UNC13C: variants seen among roughly 807,000 people sequenced by gnomAD.
UNC13C encodes the protein unc-13 homolog C.
A neutral mutation model predicts 245.4 loss-of-function variants in UNC13C; 174 were observed. The observed-to-expected ratio is 0.71, with a 90% CI of 0.63 to 0.80. The LOEUF is 0.80. Ranked by LOEUF, UNC13C falls within the 30% of genes least tolerant of loss-of-function variation. UNC13C has a pLI of 0.00. For missense variants in UNC13C, 2,829 were observed against 2,602.9 expected, an observed-to-expected ratio of 1.09 and a Z score of -1.89; for synonymous variants, 992 against 895.1, an observed-to-expected ratio of 1.11 and a Z score of -1.93.
At chr15:53,948,481 A>C in the UNC13C span, 43 of 152,028 alleles carry the variant, frequency 2.8e-4, no homozygotes, top group African/African-American at 1.0e-3. Flanking sequence ...GGGTGTGGTC[A>C]CAGGCACCTG....
intron 2 of UNC13C, among the ~76,000 whole-genome samples, chr15:54,045,162 G>C (rs1273115063): frequency 2.0e-5 from 3 of 152,010 alleles, no homozygotes; most frequent in African/African-American, 4.8e-5. Flanking sequence ...AAGTCATGAA[G>C]AGCTATTTAT....
chr15:54,415,681 T>G (rs2040503491), intron 19 of UNC13C, among the ~76,000 whole-genome samples: 1 of 152,178 alleles, frequency 6.6e-6, no homozygotes, highest in African/African-American at 2.4e-5. Flanking sequence ...TTGTACTTAT[T>G]CAGTGAATAT....
chr15:54,100,022 C>A (rs1360496897), intron 2 of UNC13C, among the ~76,000 whole-genome samples: 1 of 149,332 alleles, frequency 6.7e-6, no homozygotes, highest in Non-Finnish European at 1.5e-5. Context: ...ATTACTTGAA[C>A]CTGGGAGGCA....
intron 19 of UNC13C, among the ~76,000 whole-genome samples, chr15:54,482,746 A>G (rs944840914): frequency 1.4e-5 from 2 of 146,148 alleles, no homozygotes; most frequent in African/African-American, 5.1e-5. Context: ...GCACATTTAA[A>G]ATGTTGATAT....
intron 25 of UNC13C, among the ~76,000 whole-genome samples, chr15:54,526,470 G>A (rs894797695): frequency 2.6e-5 from 4 of 152,132 alleles, no homozygotes; most frequent in Non-Finnish European, 5.9e-5. Context: ...GGTGGCTTAT[G>A]CCTGTAATCC....
intron 14 of UNC13C, among the ~76,000 whole-genome samples, chr15:54,322,422 G>C (rs2038187461): frequency 6.6e-6 from 1 of 151,954 alleles, no homozygotes; most frequent in Non-Finnish European, 1.5e-5. Context: ...CAGATTCACT[G>C]TCTTGTAGAT....
intron 13 of UNC13C, among the ~76,000 whole-genome samples, chr15:54,314,723 C>G (rs920514198): frequency 1.3e-5 from 2 of 151,750 alleles, no homozygotes; most frequent in African/African-American, 4.8e-5. Context: ...ACCTAGTTTA[C>G]TTGGTGTTTT....
At chr15:53,906,309 C>A in the UNC13C span, among the ~76,000 whole-genome samples, 1 of 152,028 alleles carries the variant, frequency 6.6e-6, no homozygotes. Context: ...CTGGGTAAGA[C>A]CCTGTCTCAA....
At chr15:54,427,480 G>A (rs2040782785) in intron 19 of UNC13C, among the ~76,000 whole-genome samples, 1 of 151,632 alleles carries the variant, frequency 6.6e-6, no homozygotes, top group Non-Finnish European at 1.5e-5. Flanking sequence ...GTCTTTATCA[G>A]CAGCATGAAA....
At chr15:53,980,950 A>G (rs144907375) in intron 1 of UNC13C, among the ~76,000 whole-genome samples, 1 of 152,166 alleles carries the variant, frequency 6.6e-6, no homozygotes, top group Non-Finnish European at 1.5e-5. Flanking sequence ...GTCATTGGAA[A>G]CACAGGATAA....
At chr15:53,988,273 T>C (rs539433765) in intron 1 of UNC13C, among the ~76,000 whole-genome samples, 1 of 152,204 alleles carries the variant, frequency 6.6e-6, no homozygotes, top group Admixed American at 6.6e-5. Flanking sequence ...CAGTTTCCTA[T>C]GTTTGACATT....
chr15:54,620,451 C>T (rs1900723295), intron 30 of UNC13C, among the ~76,000 whole-genome samples: 2 of 152,110 alleles, frequency 1.3e-5, no homozygotes, highest in Non-Finnish European at 2.9e-5. Flanking sequence ...CACATATTGC[C>T]CTACTTAGAA....
At chr15:53,962,819 C>T in the UNC13C span, among the ~76,000 whole-genome samples, 1 of 152,168 alleles carries the variant, frequency 6.6e-6, no homozygotes, top group African/African-American at 2.4e-5. Flanking sequence ...AATTAATTCT[C>T]TCCTTGGTTA....
intron 2 of UNC13C, among the ~76,000 whole-genome samples, chr15:54,087,389 G>T (rs894330148): frequency 4.6e-5 from 7 of 152,116 alleles, no homozygotes; most frequent in African/African-American, 1.7e-4. Flanking sequence ...GGACAGCTCT[G>T]CATTTTTGCA....
chr15:54,448,758 C>T (rs920080228), intron 19 of UNC13C, among the ~76,000 whole-genome samples: 30 of 152,114 alleles, frequency 2.0e-4, no homozygotes, highest in Non-Finnish European at 4.0e-4. Context: ...TTAATTGGAG[C>T]ATTTAGCCCA....
intron 2 of UNC13C, among the ~76,000 whole-genome samples, chr15:54,069,829 G>A (rs192985886): frequency 1.3e-5 from 2 of 152,352 alleles, no homozygotes; most frequent in East Asian, 1.9e-4. Flanking sequence ...AGATAGTGAA[G>A]AGCCATGTGA....
intron 30 of UNC13C, among the ~76,000 whole-genome samples, chr15:54,603,551 A>T (rs1899572009): frequency 6.6e-6 from 1 of 152,206 alleles, no homozygotes; most frequent in East Asian, 1.9e-4. Flanking sequence ...GAAACCATTC[A>T]CATGTGGATA....
the UNC13C span, among the ~76,000 whole-genome samples, chr15:53,937,608 G>T: frequency 1.1e-4 from 16 of 152,074 alleles, no homozygotes; most frequent in Admixed American, 5.9e-4. Flanking sequence ...TGAAATGAAA[G>T]AAAAAATGTT....
intron 16 of UNC13C, among the ~76,000 whole-genome samples, chr15:54,335,368 C>G (rs2038546696): frequency 6.6e-6 from 1 of 152,096 alleles, no homozygotes; most frequent in African/African-American, 2.4e-5. Flanking sequence ...TAATTTCCTC[C>G]TATTATCTTT....
Sources: allele counts gnomAD v4.1 joint callset (sites outside exome capture counted in the v4.1 genomes callset), GRCh38; gene constraint gnomAD v4.1.1; transcripts MANE v1.5; gene names NCBI Gene and HGNC (gene_info 2026-07-23, HGNC 2026-07-21).